DDX21: variants seen among roughly 807,000 people sequenced by gnomAD.
DDX21 encodes nucleolar RNA helicase 2.
DDX21 carries 18 observed loss-of-function variants against 90.0 expected under a neutral mutation model. That is an observed-to-expected ratio of 0.20 (90% confidence interval 0.14 to 0.30). The LOEUF (loss-of-function observed/expected upper bound fraction) is 0.30, where lower values mean the gene tolerates loss of function less well. DDX21 is among the 10% of genes least tolerant of loss of function. DDX21 has a pLI of 1.00. For synonymous variants in DDX21, 294 were observed against 318.0 expected, an observed-to-expected ratio of 0.92 and a Z score of 0.80; for missense variants, 673 against 944.5, an observed-to-expected ratio of 0.71 and a Z score of 3.77.
Position 68,962,111 on chromosome 10 carries a change from T to G in DDX21, c.561T>G (p.Ala187=). 1 of 1,612,810 alleles carries G rather than the reference T, an allele frequency of 6.2e-7. No homozygotes were observed. Among genetic ancestry groups the G allele is most frequent in the South Asian group, 1.1e-5 (1 of 90,902 alleles). ...TACCTGTGGAACAAAAAGAAGGCGC[T>G]TTCTCTAATTTTCCCATATCTGAAG... The part of the protein sequence containing the change: ...QEIPVEQKEG[A]FSNFPISEET... The change falls in exon 3 of 15, where the codon GCT becomes GCG. Residue 187 remains alanine (A), a synonymous_variant. Transcript: ENST00000354185.
intron 11 of DDX21, among the ~76,000 whole-genome samples, chr10:68,976,049 C>CA (rs58243000): frequency 1.0e-4 from 14 of 136,512 alleles, no homozygotes; most frequent in South Asian, 7.2e-4. Flanking sequence ...AACTCTGTCT[C>CA]AAAAAAAAAA....
chr10:68,979,474 T>G (rs964896845), intron 13 of DDX21, among the ~76,000 whole-genome samples: 2 of 152,234 alleles, frequency 1.3e-5, no homozygotes, highest in African/African-American at 4.8e-5. Context: ...ACATGGGTTA[T>G]ATCTATTGAT....
rs1041792696 is a variant in DDX21, at chr10:68,970,076, C to T, written c.1237-125C>T. ...GTGGCTGCAGACAGCTCTTATCAGG[C>T]TTGAGTAGTTGTTTCCAGGAGCAAG... is the stretch of plus-strand genomic sequence containing the variant. On this transcript the variant is annotated intron_variant, in intron 7 of 14. Coordinates refer to ENST00000354185, the MANE Select transcript of DDX21 (RefSeq NM_004728.4). 3.5e-5 allele frequency: 32 copies of T among 906,140 alleles called. No individual in the cohort carries two copies. The East Asian group carries it at 6.6e-4, about 19-fold the overall frequency. 56.1% of individuals were successfully genotyped at this position (906,140 alleles called of 1,614,324 possible).
At chr10:68,972,697 T>G (rs1012860986) in intron 9 of DDX21, among the ~76,000 whole-genome samples, 2 of 152,202 alleles carry the variant, frequency 1.3e-5, no homozygotes, top group African/African-American at 4.8e-5. Flanking sequence ...GCCTTTAGAC[T>G]TTTTGATATG....
Position 68,983,698 on chromosome 10 carries a change from T to TAAAA in DDX21, c.*904_*907dup, listed in dbSNP as rs3086423. ...CAGATTAGCATTGCTCAAGAGTATG[T>TAAAA]AAAAAAAAAAAAAAAAAAAAAGAAC... On this transcript the variant is annotated 3_prime_UTR_variant, in exon 15 of 15. Coordinates refer to ENST00000354185, the MANE Select transcript of DDX21 (RefSeq NM_004728.4). The TAAAA allele has an allele frequency of 6.3e-5, 7 of 111,258 alleles. No homozygotes were observed. Among genetic ancestry groups the TAAAA allele is most frequent in the East Asian group, 2.5e-4 (1 of 3,944 alleles). 6.9% of individuals were successfully genotyped at this position (111,258 alleles called of 1,614,324 possible).
intron 13 of DDX21, among the ~76,000 whole-genome samples, chr10:68,980,046 G>A (rs1291406172): frequency 2.0e-5 from 3 of 152,082 alleles, no homozygotes; most frequent in African/African-American, 7.2e-5. Context: ...TTTGAGACCA[G>A]CCTGACCAAC....
At chr10:68,963,164 T>A in intron 3 of DDX21, 127 bp from the exon 4 acceptor site, 1 of 946,482 alleles carries the variant, frequency 1.1e-6, no homozygotes, top group Non-Finnish European at 1.5e-6. Flanking sequence ...ACTTTGTAGA[T>A]GTTGACCAGA....
chr10:68,973,628 G>A lies in DDX21; in HGVS notation c.1632G>A (p.Lys544=). 6 of 1,614,132 alleles carry A rather than the reference G, an allele frequency of 3.7e-6. No homozygotes were observed. In the South Asian group the frequency reaches 6.6e-5, roughly 18 times the overall value. ...TGTGCATCTGCTTTTATCAGCACAA[G>A]GAAGAATATCAGTTAGTACAAGTGG... ...TGVCICFYQH[K]EEYQLVQVEQ... Residue 544 remains lysine (K), a synonymous_variant, in exon 10 of 15, where the codon AAG becomes AAA. Coordinates refer to ENST00000354185, the MANE Select transcript of DDX21 (RefSeq NM_004728.4).
intron 7 of DDX21, among the ~76,000 whole-genome samples, chr10:68,969,705 G>A (rs1842995109): frequency 1.3e-5 from 2 of 152,220 alleles, no homozygotes; most frequent in African/African-American, 2.4e-5. Context: ...GAGGGCAGCA[G>A]AGAAATCTAG....
At chr10:68,979,943 T>C (rs1488310617) in intron 13 of DDX21, among the ~76,000 whole-genome samples, 1 of 152,162 alleles carries the variant, frequency 6.6e-6, no homozygotes, top group Non-Finnish European at 1.5e-5. Flanking sequence ...GAACCTACTA[T>C]TTATAGTAAT....
chr10:68,978,148 G>GT (rs1843132037), intron 12 of DDX21, among the ~76,000 whole-genome samples: 1 of 151,960 alleles, frequency 6.6e-6, no homozygotes, highest in African/African-American at 2.4e-5. Context: ...TAATTCCCAT[G>GT]TTTAAACACA....
At position 68,967,151 on chromosome 10, in the gene DDX21, T is replaced by C; in HGVS notation, c.1038T>C (p.Asp346=). The part of the protein sequence containing the change: ...VVLDEVDQML[D]MGFADQVEEI... ...TGGATGAAGTGGACCAGATGTTGGA[T>C]ATGGGATTTGCTGATCAAGTGGAAG... The change falls in exon 6 of 15, where the codon GAT becomes GAC. Residue 346 remains aspartate (D), a synonymous_variant. Transcript: ENST00000354185. 6.2e-7 allele frequency: 1 copy of C among 1,611,262 alleles called. No individual in the cohort carries two copies. Among genetic ancestry groups the C allele is most frequent in the Non-Finnish European group, 8.5e-7 (1 of 1,178,714 alleles).
chr10:68,977,238 A>C (rs912568568), intron 11 of DDX21, among the ~76,000 whole-genome samples: 15 of 152,238 alleles, frequency 9.9e-5, no homozygotes, highest in African/African-American at 3.4e-4. Context: ...CAAATGATGC[A>C]CATTTTAAAA....
chr10:68,972,090 T>C, intron 9 of DDX21, 38 bp downstream of exon 9: 1 of 1,582,046 alleles, frequency 6.3e-7, no homozygotes, highest in Non-Finnish European at 8.6e-7. Flanking sequence ...TTGTTTTGTT[T>C]TTTTTGGGTA....
chr10:68,972,025 T>C lies in DDX21; in HGVS notation c.1521T>C (p.Asp507=), dbSNP rs748016083. The C allele has an allele frequency of 1.9e-6, 3 of 1,614,040 alleles. No homozygotes were observed. Among genetic ancestry groups the C allele is most frequent in the South Asian group, 2.2e-5 (2 of 91,080 alleles). The change falls in exon 9 of 15, where the codon GAT becomes GAC. Residue 507 remains aspartate (D), a synonymous_variant. Transcript: ENST00000354185. The part of the protein sequence containing the change: ...AARGLDIPEV[D]LVIQSSPPKD... The stretch of plus-strand genomic sequence containing the variant: ...GTGGGTTAGACATCCCTGAGGTTGA[T>C]TTGGTTATACAAAGCTCTCCACCAA...
chr10:68,960,457 CTTTTTTAT>C (rs1020678709), intron 2 of DDX21, among the ~76,000 whole-genome samples: 16 of 150,940 alleles, frequency 1.1e-4, no homozygotes, highest in Non-Finnish European at 1.6e-4. Context: ...AGTACTCTGT[CTTTTTTAT>C]TTTTTTATTT....
intron 1 of DDX21, among the ~76,000 whole-genome samples, chr10:68,958,475 C>T (rs1224238528): frequency 2.0e-5 from 3 of 151,794 alleles, no homozygotes; most frequent in Admixed American, 6.6e-5. Context: ...CTTGCTGTGT[C>T]GCCCAGGCTG....
intron 12 of DDX21, 136 bp downstream of exon 12, chr10:68,977,824 C>A: frequency 1.0e-6 from 1 of 978,740 alleles, no homozygotes; most frequent in Non-Finnish European, 1.4e-6. Context: ...TTTACAATTT[C>A]TGGCCAGACA....
rs1024493791 is a variant in DDX21, at chr10:68,984,621, G to A, written c.*1809G>A. On this transcript the variant is annotated 3_prime_UTR_variant, in exon 15 of 15. Transcript: ENST00000354185. ...CATTTCATTATTTGGATAGGCATGG[G>A]TACCTTATCAAGCAGATTAAAAGGA... 1.3e-5 allele frequency: 2 copies of A among 152,172 alleles called. No individual in the cohort carries two copies. Among genetic ancestry groups the A allele is most frequent in the Non-Finnish European group, 2.9e-5 (2 of 68,030 alleles). The allele number at this position is 152,172 out of a possible 1,614,324, so 9.4% of individuals were successfully genotyped here.
Sources: gnomAD v4.1 joint callset for allele counts (sites outside exome capture counted in the v4.1 genomes callset) on GRCh38, gnomAD v4.1.1 for gene constraint, MANE v1.5 for transcripts, NCBI Gene and HGNC (gene_info 2026-07-23, HGNC 2026-07-21) for gene names.